Variants in HECW1 observed in about 807,000 individuals in gnomAD.
HECW1 encodes E3 ubiquitin-protein ligase HECW1.
In HECW1, 61 loss-of-function variants were observed where a neutral mutation model predicts 182.3. The ratio of observed to expected loss-of-function variants is 0.33; its 90% CI spans 0.27 to 0.41. The LOEUF (loss-of-function observed/expected upper bound fraction) is 0.41. Ranked by LOEUF, HECW1 falls within the 10% of genes least tolerant of loss-of-function variation. The pLI, the probability that HECW1 is intolerant of heterozygous loss-of-function variation, is 1.00. For missense variants in HECW1, 1,739 were observed against 2,108.9 expected (o/e 0.82, Z 3.44); for synonymous variants, 859 against 832.6 (o/e 1.03, Z -0.55).
At chr7:43,152,799 G>A (rs116582899) in intron 2 of HECW1, among the ~76,000 whole-genome samples, 2,102 of 152,184 alleles carry the variant, frequency 0.014, 48 homozygotes, top group African/African-American at 0.047. Flanking sequence ...ATCTGTAGGC[G>A]TTTCCCCCTG....
At chr7:43,206,483 G>T (rs182062073) in intron 2 of HECW1, among the ~76,000 whole-genome samples, 19 of 152,202 alleles carry the variant, frequency 1.2e-4, no homozygotes, top group Non-Finnish European at 2.5e-4. Flanking sequence ...CCTCCCCTCA[G>T]TCCCCCACTA....
At chr7:43,175,227 T>C (rs777530776) in intron 2 of HECW1, among the ~76,000 whole-genome samples, 6 of 152,150 alleles carry the variant, frequency 3.9e-5, no homozygotes, top group Non-Finnish European at 8.8e-5. Flanking sequence ...TCAAGCTGAT[T>C]AACATTCATT....
rs151222849 is a variant in HECW1, at chr7:43,480,307, A to G, written c.3234+563A>G. 7.7e-4 allele frequency among the ~76,000 whole-genome samples: 118 copies of G among 152,262 alleles called. 1 individual carries two copies. The East Asian group carries it at 0.019, about 24-fold the overall frequency. ...AAGGATCACTTCATTGCCTTTCTGA[A>G]TTAGTATCTATATCCCATACTCTTC... On this transcript the variant is annotated intron_variant, in intron 17 of 29. Coordinates refer to ENST00000395891, the MANE Select transcript of HECW1 (RefSeq NM_015052.5).
At position 43,112,692 on chromosome 7, in the gene HECW1, C is replaced by A. The variant is rs923943612; in HGVS notation, c.-512C>A. The A allele has an allele frequency of 3.5e-5, 8 of 230,414 alleles. No individual in the cohort carries two copies. Among genetic ancestry groups the A allele is most frequent in the Non-Finnish European group, 6.0e-5 (7 of 116,108 alleles). The allele number at this position is 230,414 out of a possible 1,614,324, so 14.3% of individuals were successfully genotyped here. A position where few individuals can be genotyped will look rare whatever the true frequency, so the allele number is the denominator to read the frequency against. ...AGCCGGAACACCGTGCGACTCTGACCGAACCGGCCCCCTCCTCGCGCACAC... is the reference window on the plus strand; with the variant it reads ...AGCCGGAACACCGTGCGACTCTGACAGAACCGGCCCCCTCCTCGCGCACAC... On this transcript the variant is annotated 5_prime_UTR_variant, in exon 1 of 30. Transcript: ENST00000395891.
intron 24 of HECW1, among the ~76,000 whole-genome samples, chr7:43,521,398 A>T (rs922094931): frequency 6.6e-6 from 1 of 152,254 alleles, no homozygotes; most frequent in Non-Finnish European, 1.5e-5. Flanking sequence ...CACTGTTTTC[A>T]TGATGGAAGA....
chr7:43,491,661 C>T (rs1438972839), intron 17 of HECW1, among the ~76,000 whole-genome samples: 4 of 151,978 alleles, frequency 2.6e-5, no homozygotes, highest in Non-Finnish European at 4.4e-5. Context: ...AGAGTGATTT[C>T]GGCTCACAGC....
Position 43,350,721 on chromosome 7 carries a change from T to G in HECW1, c.461-10165T>G, listed in dbSNP as rs531554475. On this transcript the variant is annotated intron_variant, in intron 5 of 29. Coordinates refer to ENST00000395891, the MANE Select transcript of HECW1 (RefSeq NM_015052.5). ...CCAAAGTTTCCTGAATTGTTTATTGTTTTTTTCTTTAAGCTATCTATTTCC... is the reference window on the plus strand; with the variant it reads ...CCAAAGTTTCCTGAATTGTTTATTGGTTTTTTCTTTAAGCTATCTATTTCC... Among the ~76,000 whole-genome samples the G allele has an allele frequency of 9.8e-5, 15 of 152,346 alleles. No individual in the cohort carries two copies. In the South Asian group the frequency reaches 3.1e-3, roughly 32 times the overall value.
At chr7:43,168,137 G>A (rs560818898) in intron 2 of HECW1, among the ~76,000 whole-genome samples, 139 of 152,170 alleles carry the variant, frequency 9.1e-4, no homozygotes, top group Non-Finnish European at 1.2e-3. Flanking sequence ...AGAGGGACTG[G>A]ACATGTTTCA....
intron 24 of HECW1, among the ~76,000 whole-genome samples, chr7:43,516,798 C>T (rs1209531159): frequency 1.3e-5 from 2 of 152,236 alleles, no homozygotes; most frequent in African/African-American, 4.8e-5. Flanking sequence ...CTACCTCACA[C>T]CTATGCTCTA....
chr7:43,471,294 C>A (rs1054936485), intron 16 of HECW1, among the ~76,000 whole-genome samples: 1 of 152,170 alleles, frequency 6.6e-6, no homozygotes, highest in African/African-American at 2.4e-5. Context: ...GCACAGGAGG[C>A]TGAGAGTTAG....
intron 5 of HECW1, among the ~76,000 whole-genome samples, chr7:43,351,091 C>T (rs1055753184): frequency 7.9e-5 from 12 of 152,176 alleles, no homozygotes; most frequent in African/African-American, 1.4e-4. Context: ...CCTTTTCCTA[C>T]GGTGTGGCTT....
chr7:43,376,297 A>C (rs1028529185), intron 6 of HECW1, among the ~76,000 whole-genome samples: 1 of 152,088 alleles, frequency 6.6e-6, no homozygotes, highest in Non-Finnish European at 1.5e-5. Flanking sequence ...CTCACCACCC[A>C]ACGAGCCTCA....
intron 6 of HECW1, among the ~76,000 whole-genome samples, chr7:43,385,315 G>A (rs1038097040): frequency 1.7e-5 from 2 of 117,300 alleles, no homozygotes; most frequent in African/African-American, 3.2e-5. Context: ...CCCCTCCTGC[G>A]TACTGACAGA....
At chr7:43,283,511 A>G (rs1235421068) in intron 3 of HECW1, among the ~76,000 whole-genome samples, 1 of 152,202 alleles carries the variant, frequency 6.6e-6, no homozygotes, top group Non-Finnish European at 1.5e-5. Flanking sequence ...ATTGTTCTCA[A>G]ATGAACCAAT....
intron 2 of HECW1, among the ~76,000 whole-genome samples, chr7:43,146,047 C>T (rs900125195): frequency 4.6e-5 from 7 of 152,188 alleles, no homozygotes; most frequent in African/African-American, 1.4e-4. Flanking sequence ...CCCCGTGTCT[C>T]CTCTTTGGTT....
intron 24 of HECW1, among the ~76,000 whole-genome samples, chr7:43,526,528 T>C (rs1585197523): frequency 6.6e-6 from 1 of 152,198 alleles, no homozygotes; most frequent in Non-Finnish European, 1.5e-5. Context: ...TATGGAAATA[T>C]TGTGCATTGG....
At chr7:43,559,638 T>A (rs1391797275) in intron 29 of HECW1, among the ~76,000 whole-genome samples, 1 of 152,096 alleles carries the variant, frequency 6.6e-6, no homozygotes, top group Non-Finnish European at 1.5e-5. Context: ...AGCTGGTAAG[T>A]GACTAGACCG....
Position 43,112,885 on chromosome 7 carries a change from C to G in HECW1, c.-319C>G, listed in dbSNP as rs139919755. The stretch of plus-strand genomic sequence containing the variant: ...TGCGGGGCACGTGCGCCCCCCAGCT[C>G]TAATCTGCGCGCTGACAGGAGCATG... On this transcript the variant is annotated 5_prime_UTR_variant, in exon 1 of 30. Transcript: ENST00000395891. 1,061 of 223,034 alleles carry G rather than the reference C, an allele frequency of 4.8e-3. 6 individuals carry two copies. The highest frequency in any genetic ancestry group is 7.8e-3 in the Non-Finnish European group (864 of 111,456). 13.8% of individuals were successfully genotyped at this position (223,034 alleles called of 1,614,324 possible).
At chr7:43,392,172 C>T (rs1351215840) in intron 6 of HECW1, among the ~76,000 whole-genome samples, 1 of 152,170 alleles carries the variant, frequency 6.6e-6, no homozygotes, top group African/African-American at 2.4e-5. Flanking sequence ...GAATAAGACT[C>T]AGTGACATAA....
Sources: gnomAD v4.1 joint callset for allele counts (sites outside exome capture counted in the v4.1 genomes callset) on GRCh38, gnomAD v4.1.1 for gene constraint, MANE v1.5 for transcripts, NCBI Gene and HGNC (gene_info 2026-07-23, HGNC 2026-07-21) for gene names.